Variants in TCHP observed in about 807,000 individuals in gnomAD.
TCHP encodes trichoplein keratin filament-binding protein.
A neutral mutation model predicts 88.7 loss-of-function variants in TCHP; 81 were observed. The ratio of observed to expected loss-of-function variants is 0.91; its 90% CI spans 0.76 to 1.10. TCHP has a LOEUF of 1.10. Ranked by LOEUF, TCHP falls within the 50% of genes least tolerant of loss-of-function variation. The pLI is 0.00. For synonymous variants in TCHP, 232 were observed against 232.5 expected (o/e 1.00, Z 0.02); for missense variants, 641 against 632.1 (o/e 1.01, Z -0.15).
In TCHP at chr12:109,916,793, T is replaced by G. The variant is rs939938412; in HGVS notation, c.*170T>G. 9.1e-6 allele frequency: 6 copies of G among 656,880 alleles called. No homozygotes were observed. Among genetic ancestry groups the G allele is most frequent in the Non-Finnish European group, 1.6e-5 (6 of 381,490 alleles). The allele number at this position is 656,880 out of a possible 1,614,324, so 40.7% of individuals were successfully genotyped here. A position where few individuals can be genotyped will look rare whatever the true frequency, so the allele number is the denominator to read the frequency against. ...AAACATCCCAGTGTTTGGCCAGACA[T>G]TAAGGTGTCGTGAGAGTCCCTTTCA... is the stretch of plus-strand genomic sequence containing the variant. On this transcript the variant is annotated 3_prime_UTR_variant, in exon 13 of 13. Coordinates refer to ENST00000405876, the MANE Select transcript of TCHP (RefSeq NM_001143852.2).
In TCHP at chr12:109,917,684, C is replaced by T. The variant is rs1397399697; in HGVS notation, c.*1061C>T. On this transcript the variant is annotated 3_prime_UTR_variant, in exon 13 of 13. Coordinates refer to ENST00000405876, the MANE Select transcript of TCHP (RefSeq NM_001143852.2). Reference sequence around the variant, plus strand: ...TGATACAGGTCTACATTCATTTCTACAAACAGGAACAAGTTCCTTGCAGCA... The same window carrying T: ...TGATACAGGTCTACATTCATTTCTATAAACAGGAACAAGTTCCTTGCAGCA... 6.6e-6 allele frequency: 1 copy of T among 152,588 alleles called. No homozygotes were observed. Among genetic ancestry groups the T allele is most frequent in the Non-Finnish European group, 1.5e-5 (1 of 68,044 alleles). 9.5% of individuals were successfully genotyped at this position (152,588 alleles called of 1,614,324 possible). A position where few individuals can be genotyped will look rare whatever the true frequency, so the allele number is the denominator to read the frequency against.
chr12:109,903,058 G>A lies in TCHP; in HGVS notation c.32G>A (p.Cys11Tyr). The change falls in exon 2 of 13, where the codon TGC (cysteine) becomes TAC (tyrosine). Residue 11 changes from cysteine (C) to tyrosine (Y), a missense_variant. Cys to Tyr is a radical substitution (Grantham distance 194, BLOSUM62 -2). Coordinates refer to ENST00000405876, the MANE Select transcript of TCHP (RefSeq NM_001143852.2). The surrounding 1 kb of genome is among the most constrained non-coding windows in gnomAD (Gnocchi z 4.6). MALPTLPSYWCSQQRLNQQLA... is the reference protein window; with the variant it reads MALPTLPSYWYSQQRLNQQLA... ...CTCCCGACGCTGCCGTCCTACTGGT[G>A]CAGCCAGCAGCGCCTGAATCAGCAG... The A allele has an allele frequency of 6.2e-7, 1 of 1,612,450 alleles. No individual in the cohort carries two copies. Among genetic ancestry groups the A allele is most frequent in the Non-Finnish European group, 8.5e-7 (1 of 1,178,988 alleles).
At chr12:109,886,628 C>G in the TCHP span, among the ~76,000 whole-genome samples, 1 of 152,140 alleles carries the variant, frequency 6.6e-6, no homozygotes, top group African/African-American at 2.4e-5. Context: ...CCAAAAAGCC[C>G]TGGTTCTTTT....
the TCHP span, among the ~76,000 whole-genome samples, chr12:109,881,366 A>AACATCCTCTCCATTTGC: frequency 3.3e-5 from 5 of 152,210 alleles, no homozygotes; most frequent in African/African-American, 4.8e-5. Context: ...CCCACCAAGT[A>AACATCCTCTCCATTTGC]ACATCCTCTC....
In TCHP at chr12:109,917,766, T is replaced by C. The variant is rs1306651770; in HGVS notation, c.*1143T>C. On this transcript the variant is annotated 3_prime_UTR_variant, in exon 13 of 13. Coordinates refer to ENST00000405876, the MANE Select transcript of TCHP (RefSeq NM_001143852.2). ...ATACCCTTCCTCTGAGGTTTAGTTT[T>C]CATCACATTATGTTCAAGATTCCAT... 6.6e-6 allele frequency: 1 copy of C among 152,668 alleles called. No homozygotes were observed. The highest frequency in any genetic ancestry group is 1.9e-4 in the East Asian group (1 of 5,202). The allele number at this position is 152,668 out of a possible 1,614,324, so 9.5% of individuals were successfully genotyped here.
At chr12:109,893,353 C>T in the TCHP span, among the ~76,000 whole-genome samples, 1 of 150,274 alleles carries the variant, frequency 6.7e-6, no homozygotes, top group South Asian at 2.1e-4. Context: ...GCACTCCAGC[C>T]TGGGCAACAA....
rs767226616 is a variant in TCHP, at chr12:109,903,032, G to A, written c.6G>A (p.Ala2=). The A allele has an allele frequency of 3.6e-5, 57 of 1,594,868 alleles. No individual in the cohort carries two copies. Among genetic ancestry groups the A allele is most frequent in the Middle Eastern group, 1.9e-4 (1 of 5,234 alleles). The part of the protein sequence containing the change: M[A]LPTLPSYWCS... ...CCTCCCATTCCTGTTCTCAGATGGC[G>A]CTCCCGACGCTGCCGTCCTACTGGT... Residue 2 remains alanine (A), a synonymous_variant, in exon 2 of 13, where the codon GCG becomes GCA. Transcript: ENST00000405876. The surrounding 1 kb of genome is among the most constrained non-coding windows in gnomAD (Gnocchi z 4.6).
intron 9 of TCHP, among the ~76,000 whole-genome samples, chr12:109,912,716 G>A (rs1289770446): frequency 6.6e-6 from 1 of 152,110 alleles, no homozygotes; most frequent in Non-Finnish European, 1.5e-5. Context: ...GATTGAACCT[G>A]GGAGGTGGAG....
Position 109,905,136 on chromosome 12 carries a change from C to T in TCHP, c.456+343C>T. On this transcript the variant is annotated intron_variant, in intron 4 of 12. Coordinates refer to ENST00000405876, the MANE Select transcript of TCHP (RefSeq NM_001143852.2). This position sits in a 1 kb window ranked among gnomAD's most constrained non-coding sequence, Gnocchi z 4.0. Reference sequence around the variant, plus strand: ...GAGAGGATGAGCATGGGCCAGCGCACTCAACTCTGGAGGGGTTGGGGAGGC... The same window carrying T: ...GAGAGGATGAGCATGGGCCAGCGCATTCAACTCTGGAGGGGTTGGGGAGGC... 3.4e-6 allele frequency: 1 copy of T among 296,796 alleles called. No individual in the cohort carries two copies. Among genetic ancestry groups the T allele is most frequent in the Non-Finnish European group, 6.4e-6 (1 of 156,428 alleles). 18.4% of individuals were successfully genotyped at this position (296,796 alleles called of 1,614,324 possible).
Position 109,905,939 on chromosome 12 carries a change from G to A in TCHP, c.457-633G>A, listed in dbSNP as rs1870099926. On this transcript the variant is annotated intron_variant, in intron 4 of 12. Coordinates refer to ENST00000405876, the MANE Select transcript of TCHP (RefSeq NM_001143852.2). The surrounding 1 kb of genome is among the most constrained non-coding windows in gnomAD (Gnocchi z 4.0). ...GCTGGTCTCAAACCTGGGCTCAAGT[G>A]ATCCTCCCACCTCAGCCTCCCGAGT... 6.6e-6 allele frequency among the ~76,000 whole-genome samples: 1 copy of A among 152,208 alleles called. No homozygotes were observed. The highest frequency in any genetic ancestry group is 2.1e-4 in the South Asian group (1 of 4,830).
chr12:109,902,386 C>G lies in TCHP; in HGVS notation c.1-641C>G, dbSNP rs137855368. Among the ~76,000 whole-genome samples the G allele has an allele frequency of 3.0e-4, 45 of 152,112 alleles. No individual in the cohort carries two copies. In the Middle Eastern group the frequency reaches 0.01, roughly 34 times the overall value. On this transcript the variant is annotated intron_variant, in intron 1 of 12. Coordinates refer to ENST00000405876, the MANE Select transcript of TCHP (RefSeq NM_001143852.2). Reference sequence around the variant, plus strand: ...CTCATGATGTGGCTGGTCTCCAACTCCCGGCCTCAAGTGATCCTCCTGCCT... The same window carrying G: ...CTCATGATGTGGCTGGTCTCCAACTGCCGGCCTCAAGTGATCCTCCTGCCT...
chr12:109,885,718 T>C, the TCHP span, among the ~76,000 whole-genome samples: 3 of 152,014 alleles, frequency 2.0e-5, no homozygotes, highest in Admixed American at 6.6e-5. Flanking sequence ...CCTGACTTCC[T>C]GATCCGCCCT....
chr12:109,912,919 C>T, intron 9 of TCHP, 72 bp from the exon 10 acceptor site: 2 of 1,303,914 alleles, frequency 1.5e-6, no homozygotes, highest in South Asian at 1.2e-5. Flanking sequence ...CCCTGCAGCC[C>T]TGTCTGTTCC....
rs1870896970 is a variant in TCHP, at chr12:109,917,793, T to A, written c.*1170T>A. Reference sequence around the variant, plus strand: ...ATCACATTATGTTCAAGATTCCATATCTCCGTAAATTACAGCTAATTACAG... The same window carrying A: ...ATCACATTATGTTCAAGATTCCATAACTCCGTAAATTACAGCTAATTACAG... On this transcript the variant is annotated 3_prime_UTR_variant, in exon 13 of 13. Transcript: ENST00000405876. 1 of 152,634 alleles carries A rather than the reference T, an allele frequency of 6.6e-6. No individual in the cohort carries two copies. The highest frequency in any genetic ancestry group is 2.4e-5 in the African/African-American group (1 of 41,450). 9.5% of individuals were successfully genotyped at this position (152,634 alleles called of 1,614,324 possible). A position where few individuals can be genotyped will look rare whatever the true frequency, so the allele number is the denominator to read the frequency against.
chr12:109,887,027 G>A, the TCHP span, among the ~76,000 whole-genome samples: 5 of 152,172 alleles, frequency 3.3e-5, no homozygotes, highest in East Asian at 1.9e-4. Context: ...TATTGTTATC[G>A]GGGTGTCCCT....
the TCHP span, among the ~76,000 whole-genome samples, chr12:109,894,791 C>T: frequency 1.0e-3 from 130 of 130,266 alleles, 1 homozygote; most frequent in African/African-American, 3.7e-3. Context: ...AAAAAAAAGA[C>T]TTTGTTGGAG....
At chr12:109,906,542 A>T in intron 4 of TCHP, 30 bp from the exon 5 acceptor site, 1 of 1,610,696 alleles carries the variant, frequency 6.2e-7, no homozygotes, top group Non-Finnish European at 8.5e-7. Flanking sequence ...TCTGGTGAGG[A>T]AATTCACATC....
intron 9 of TCHP, 22 bp from the exon 10 acceptor site, chr12:109,912,969 C>T (rs780405872): frequency 6.2e-7 from 1 of 1,611,252 alleles, no homozygotes; most frequent in Non-Finnish European, 8.5e-7. Context: ...AGCCTGCTGT[C>T]ATCCCTTTTG....
At chr12:109,882,210 G>A in the TCHP span, among the ~76,000 whole-genome samples, 1 of 152,124 alleles carries the variant, frequency 6.6e-6, no homozygotes, top group South Asian at 2.1e-4. Flanking sequence ...AAGTAGGATA[G>A]AGCCAGGTCA....
Sources: allele counts gnomAD v4.1 joint callset (sites outside exome capture counted in the v4.1 genomes callset), GRCh38; gene constraint gnomAD v4.1.1; non-coding constraint Gnocchi (gnomAD v3.1); transcripts MANE v1.5; gene names NCBI Gene and HGNC (gene_info 2026-07-23, HGNC 2026-07-21).